PDGFC: variants seen among roughly 807,000 people sequenced by gnomAD.
The protein encoded by PDGFC is platelet-derived growth factor C.
Under a neutral mutation model 35.5 loss-of-function variants are expected in PDGFC, and 12 were observed. That is an observed-to-expected ratio of 0.34 (90% CI 0.22 to 0.55). PDGFC has a LOEUF of 0.55. Among genes scored for constraint, PDGFC ranks in the 20% least tolerant of loss-of-function variants. The probability of loss-of-function intolerance (pLI) is 0.91; values close to 1 mark genes in which losing one functional copy is unlikely to be tolerated. For synonymous variants in PDGFC, 159 were observed against 148.8 expected (o/e 1.07, Z -0.50); for missense variants, 322 against 412.4 (o/e 0.78, Z 1.90).
intron 1 of PDGFC, among the ~76,000 whole-genome samples, chr4:156,924,890 A>G: frequency 6.6e-6 from 1 of 152,134 alleles, no homozygotes; most frequent in South Asian, 2.1e-4. Context: ...CTGGGCAGCA[A>G]AAAAGAGGCT....
chr4:156,929,504 G>A (rs533652012), intron 1 of PDGFC, among the ~76,000 whole-genome samples: 38 of 148,336 alleles, frequency 2.6e-4, no homozygotes, highest in Middle Eastern at 3.6e-3. Flanking sequence ...ACTACTCTCC[G>A]TTTAAAAAAA....
chr4:156,964,388 CTA>C (rs141220599), intron 1 of PDGFC, among the ~76,000 whole-genome samples: 55 of 146,044 alleles, frequency 3.8e-4, no homozygotes, highest in Non-Finnish European at 5.3e-4. Context: ...GAAGTTATCA[CTA>C]TATATATATA....
chr4:156,942,266 C>A (rs892189987), intron 1 of PDGFC, among the ~76,000 whole-genome samples: 1 of 152,026 alleles, frequency 6.6e-6, no homozygotes, highest in African/African-American at 2.4e-5. Context: ...AAGAGCTCAA[C>A]GCAAACAGGA....
chr4:156,846,379 T>G lies in PDGFC; in HGVS notation c.314+3842A>C, dbSNP rs149071105. 8.1e-3 allele frequency among the ~76,000 whole-genome samples: 1,233 copies of G among 151,824 alleles called. 20 individuals are homozygous for G. Among genetic ancestry groups the G allele is most frequent in the Admixed American group, 0.04 (614 of 15,230 alleles). On this transcript the variant is annotated intron_variant, in intron 2 of 5. Transcript: ENST00000502773. ...AGCAGGACCTAATTATGAAGAAATA[T>G]GCAGATAAATTAATATTGAGAGATC...
intron 2 of PDGFC, among the ~76,000 whole-genome samples, chr4:156,845,104 C>G (rs1226891481): frequency 6.6e-6 from 1 of 151,702 alleles, no homozygotes; most frequent in Non-Finnish European, 1.5e-5. Flanking sequence ...TTTAAAAACT[C>G]ATATATATAT....
chr4:156,949,429 GTC>G (rs567133474), intron 1 of PDGFC, among the ~76,000 whole-genome samples: 2 of 151,624 alleles, frequency 1.3e-5, no homozygotes, highest in South Asian at 2.1e-4. Context: ...ATGTGTGTGT[GTC>G]TCTCTCTCTT....
intron 1 of PDGFC, among the ~76,000 whole-genome samples, chr4:156,894,176 A>G (rs1730577826): frequency 6.6e-6 from 1 of 152,288 alleles, no homozygotes; most frequent in Non-Finnish European, 1.5e-5. Flanking sequence ...AAGTGTATTA[A>G]CCATCCCCCT....
At chr4:156,893,965 CTGTG>C (rs1302521049) in intron 1 of PDGFC, among the ~76,000 whole-genome samples, 1 of 152,158 alleles carries the variant, frequency 6.6e-6, no homozygotes, top group Admixed American at 6.5e-5. Context: ...TCTCCTTAGA[CTGTG>C]TGTTTCCTGT....
At chr4:156,893,132 C>A (rs1027207064) in intron 1 of PDGFC, among the ~76,000 whole-genome samples, 13 of 151,972 alleles carry the variant, frequency 8.6e-5, no homozygotes, top group African/African-American at 3.1e-4. Context: ...TGTCATAATT[C>A]TTTTTAAATT....
At chr4:156,948,569 CCT>C (rs1732002836) in intron 1 of PDGFC, among the ~76,000 whole-genome samples, 1 of 151,874 alleles carries the variant, frequency 6.6e-6, no homozygotes, top group African/African-American at 2.4e-5. Flanking sequence ...TTCCCTGAAC[CCT>C]CTGTTTAAAT....
chr4:156,861,725 G>A (rs1478895877), intron 1 of PDGFC, among the ~76,000 whole-genome samples: 2 of 151,988 alleles, frequency 1.3e-5, no homozygotes, highest in African/African-American at 4.8e-5. Flanking sequence ...ATAAAAGAAA[G>A]AGCATTATTT....
chr4:156,801,858 G>A (rs1465265738), intron 3 of PDGFC, among the ~76,000 whole-genome samples: 1 of 152,124 alleles, frequency 6.6e-6, no homozygotes, highest in African/African-American at 2.4e-5. Flanking sequence ...AAATTAAGCT[G>A]AAACCTCAGT....
chr4:156,822,200 T>A (rs941614466), intron 2 of PDGFC, among the ~76,000 whole-genome samples: 9 of 151,184 alleles, frequency 6.0e-5, no homozygotes, highest in Non-Finnish European at 1.3e-4. Context: ...TCTACTAAAA[T>A]TACAAAAAAT....
At chr4:156,776,454 A>G (rs1000265200) in intron 3 of PDGFC, among the ~76,000 whole-genome samples, 1 of 152,348 alleles carries the variant, frequency 6.6e-6, no homozygotes, top group Admixed American at 6.5e-5. Context: ...GTGTTCTGCA[A>G]TGTAGACAAC....
At chr4:156,915,598 G>C (rs530584046) in intron 1 of PDGFC, among the ~76,000 whole-genome samples, 1 of 152,222 alleles carries the variant, frequency 6.6e-6, no homozygotes, top group East Asian at 1.9e-4. Flanking sequence ...CTTGAGACCA[G>C]CCTGGCCAAC....
At chr4:156,931,812 GTT>G (rs373094582) in intron 1 of PDGFC, among the ~76,000 whole-genome samples, 1 of 148,630 alleles carries the variant, frequency 6.7e-6, no homozygotes, top group African/African-American at 2.5e-5. Context: ...ATTTATAGGA[GTT>G]TTTTTTTTGT....
chr4:156,830,877 A>G (rs1391480210), intron 2 of PDGFC, among the ~76,000 whole-genome samples: 1 of 152,238 alleles, frequency 6.6e-6, no homozygotes, highest in Non-Finnish European at 1.5e-5. Flanking sequence ...TTTCAGCTAA[A>G]TATTACTCCT....
chr4:156,770,539 G>C (rs573289711), intron 4 of PDGFC: 56 of 152,048 alleles, frequency 3.7e-4, no homozygotes, highest in African/African-American at 1.3e-3. Flanking sequence ...TGTACCAAAG[G>C]ATACTTTTTG....
At chr4:156,778,985 A>C in intron 3 of PDGFC, 1 of 329,558 alleles carries the variant, frequency 3.0e-6, no homozygotes, top group South Asian at 2.4e-5. Context: ...CAGGTGTTTA[A>C]GAGAAGACAA....
Sources: allele counts gnomAD v4.1 joint callset (sites outside exome capture counted in the v4.1 genomes callset), GRCh38; gene constraint gnomAD v4.1.1; transcripts MANE v1.5; gene names NCBI Gene and HGNC (gene_info 2026-07-23, HGNC 2026-07-21).